Variants in RETREG1 observed in about 807,000 individuals in gnomAD.
RETREG1 encodes the protein reticulophagy regulator 1.
In RETREG1, 44 loss-of-function variants were observed where a neutral mutation model predicts 54.8. The ratio of observed to expected loss-of-function variants is 0.80; its 90% CI spans 0.63 to 1.03. The LOEUF (loss-of-function observed/expected upper bound fraction) is 1.03, where lower values mean the gene tolerates loss of function less well. Ranked by LOEUF, RETREG1 falls within the 50% of genes least tolerant of loss-of-function variation. The probability of loss-of-function intolerance (pLI) is 0.00; values close to 1 mark genes in which losing one functional copy is unlikely to be tolerated. For missense variants in RETREG1, 554 were observed against 605.1 expected (o/e 0.92, Z 0.89); for synonymous variants, 217 against 238.5 (o/e 0.91, Z 0.83).
chr5:16,583,013 G>A (rs1328741026), intron 1 of RETREG1, among the ~76,000 whole-genome samples: 1 of 152,160 alleles, frequency 6.6e-6, no homozygotes, highest in African/African-American at 2.4e-5. Flanking sequence ...GGCTGCTCTG[G>A]GCAGACATCT....
chr5:16,520,443 C>T (rs780911814), intron 3 of RETREG1, among the ~76,000 whole-genome samples: 19 of 152,134 alleles, frequency 1.2e-4, no homozygotes, highest in South Asian at 2.1e-4. Context: ...GATTCTCCTG[C>T]CTCAGCCTCC....
chr5:16,565,259 C>T (rs1178174828), intron 3 of RETREG1, among the ~76,000 whole-genome samples: 1 of 152,128 alleles, frequency 6.6e-6, no homozygotes, highest in Admixed American at 6.5e-5. Context: ...TCTGGCTGGG[C>T]AAGGAGCCCA....
intron 3 of RETREG1, among the ~76,000 whole-genome samples, chr5:16,549,953 G>A (rs1415219536): frequency 6.6e-6 from 1 of 152,152 alleles, no homozygotes; most frequent in Non-Finnish European, 1.5e-5. Context: ...TGAAAGTACT[G>A]CTCGGGCGTT....
chr5:16,576,296 T>TTTC (rs1383043118), intron 1 of RETREG1, among the ~76,000 whole-genome samples: 5 of 61,452 alleles, frequency 8.1e-5, no homozygotes, highest in African/African-American at 2.0e-4. Context: ...TTCTTTTTCT[T>TTTC]TTTTTTTTTT....
chr5:16,499,592 C>T (rs1350900570), intron 3 of RETREG1, among the ~76,000 whole-genome samples: 9 of 152,202 alleles, frequency 5.9e-5, no homozygotes, highest in East Asian at 1.9e-4. Context: ...GATGTCACTT[C>T]GAGTCAGAGT....
chr5:16,616,873 G>T lies in RETREG1; in HGVS notation c.99C>A (p.Ser33=), dbSNP rs1433722662. The T allele has an allele frequency of 1.3e-6, 2 of 1,496,016 alleles. No individual in the cohort carries two copies. The highest frequency in any genetic ancestry group is 1.5e-5 in the African/African-American group (1 of 68,588). 92.7% of individuals were successfully genotyped at this position (1,496,016 alleles called of 1,614,324 possible). A position where few individuals can be genotyped will look rare whatever the true frequency, so the allele number is the denominator to read the frequency against. Residue 33 remains serine, a synonymous_variant, in exon 1 of 9, where the codon TCC becomes TCA. Coordinates refer to ENST00000306320, the MANE Select transcript of RETREG1 (RefSeq NM_001034850.3). ...APPSPPPPQA[S]PAERQQQEEE... is the part of the protein sequence containing the mutation. ...CCTCCTGCTGCTGCCGCTCTGCGGGGGATGCCTGGGGCGGTGGCGGCGACG... is the reference window on the plus strand; with the variant it reads ...CCTCCTGCTGCTGCCGCTCTGCGGGTGATGCCTGGGGCGGTGGCGGCGACG...
intron 3 of RETREG1, among the ~76,000 whole-genome samples, chr5:16,494,946 T>C (rs1579604385): frequency 6.6e-6 from 1 of 152,190 alleles, no homozygotes; most frequent in Admixed American, 6.5e-5. Context: ...CTGGTAGTAA[T>C]ATGGAAAATG....
chr5:16,526,125 T>C (rs75111753), intron 3 of RETREG1, among the ~76,000 whole-genome samples: 2,610 of 152,318 alleles, frequency 0.017, 64 homozygotes, highest in African/African-American at 0.06. Context: ...TTGACATGAA[T>C]TTAACCACCA....
chr5:16,528,797 G>A (rs1248375298), intron 3 of RETREG1, among the ~76,000 whole-genome samples: 4 of 152,086 alleles, frequency 2.6e-5, no homozygotes, highest in Non-Finnish European at 5.9e-5. Context: ...GGCTAGACAG[G>A]AACTATGTTC....
Position 16,528,570 on chromosome 5 carries a change from G to A in RETREG1, c.458+37193C>T, listed in dbSNP as rs569072540. ...CCAAGGAGGAGTGAGACCTGTCCCAGGTGATAGCAGGGGGTTCTGAGACAC... is the reference window on the plus strand; with the variant it reads ...CCAAGGAGGAGTGAGACCTGTCCCAAGTGATAGCAGGGGGTTCTGAGACAC... On this transcript the variant is annotated intron_variant, in intron 3 of 8. Transcript: ENST00000306320. 2.6e-5 allele frequency among the ~76,000 whole-genome samples: 4 copies of A among 152,270 alleles called. No individual in the cohort carries two copies. In the South Asian group the frequency reaches 8.3e-4, roughly 32 times the overall value.
chr5:16,477,149 A>G (rs1034739561), intron 8 of RETREG1, among the ~76,000 whole-genome samples: 8 of 152,138 alleles, frequency 5.3e-5, no homozygotes, highest in African/African-American at 1.9e-4. Context: ...TTTCAAAATA[A>G]AGGCAAATTT....
chr5:16,509,686 T>A (rs1174574605), intron 3 of RETREG1, among the ~76,000 whole-genome samples: 1 of 151,988 alleles, frequency 6.6e-6, no homozygotes, highest in Non-Finnish European at 1.5e-5. Flanking sequence ...ATCTGCTTAT[T>A]AAGAAACAAT....
At position 16,474,667 on chromosome 5, in the gene RETREG1, T is replaced by TC. The variant is rs1473775823; in HGVS notation, c.*73dup. On this transcript the variant is annotated 3_prime_UTR_variant, in exon 9 of 9. Transcript: ENST00000306320. Reference sequence around the variant, plus strand: ...AGCTTACAGTTCAATTTTTTTCTTTTCCTTTTTTTTTTTTTTTTCTTGTTT... The same window carrying TC: ...AGCTTACAGTTCAATTTTTTTCTTTTCCCTTTTTTTTTTTTTTTTCTTGTTT... The TC allele has an allele frequency of 2.9e-6, 4 of 1,385,318 alleles. No individual in the cohort carries two copies. Among genetic ancestry groups the TC allele is most frequent in the Admixed American group, 4.5e-5 (2 of 44,116 alleles). The allele number at this position is 1,385,318 out of a possible 1,614,324, so 85.8% of individuals were successfully genotyped here. A position where few individuals can be genotyped will look rare whatever the true frequency, so the allele number is the denominator to read the frequency against.
At chr5:16,538,642 C>T (rs752363284) in intron 3 of RETREG1, among the ~76,000 whole-genome samples, 35 of 152,182 alleles carry the variant, frequency 2.3e-4, no homozygotes, top group Non-Finnish European at 4.7e-4. Context: ...CACCATGTAC[C>T]TTTCCAGTGG....
At chr5:16,549,834 G>GA (rs1238659490) in intron 3 of RETREG1, among the ~76,000 whole-genome samples, 1 of 150,038 alleles carries the variant, frequency 6.7e-6, no homozygotes. Flanking sequence ...TGTAATAACT[G>GA]GCCCCCCAAA....
chr5:16,474,768 G>A lies in RETREG1; in HGVS notation c.1467C>T (p.Phe489=), dbSNP rs1738450850. 7 of 1,612,592 alleles carry A rather than the reference G, an allele frequency of 4.3e-6. No individual in the cohort carries two copies. The African/African-American group carries it at 9.4e-5, about 22-fold the overall frequency. Residue 489 remains phenylalanine, a synonymous_variant, in exon 9 of 9, where the codon TTC becomes TTT. Coordinates refer to ENST00000306320, the MANE Select transcript of RETREG1 (RefSeq NM_001034850.3). Reference sequence around the variant, plus strand: ...AATGGCCTCCCAGCAGATTTGAAAGGAAACCTGAAGACTTCTTATTTTGCT... The same window carrying A: ...AATGGCCTCCCAGCAGATTTGAAAGAAAACCTGAAGACTTCTTATTTTGCT... ...EAQQNKKSSG[F]LSNLLGGH
chr5:16,614,912 T>G (rs1054234287), intron 1 of RETREG1, among the ~76,000 whole-genome samples: 1 of 152,082 alleles, frequency 6.6e-6, no homozygotes. Context: ...ATATGGTGTA[T>G]TTGCTGAAAT....
At chr5:16,586,203 G>T (rs1256062051) in intron 1 of RETREG1, among the ~76,000 whole-genome samples, 3 of 152,204 alleles carry the variant, frequency 2.0e-5, no homozygotes, top group African/African-American at 7.2e-5. Flanking sequence ...AGGTCAGGAA[G>T]CCATGGTAAT....
At chr5:16,476,194 G>A (rs1210320194) in intron 8 of RETREG1, among the ~76,000 whole-genome samples, 2 of 152,134 alleles carry the variant, frequency 1.3e-5, no homozygotes, top group East Asian at 1.9e-4. Context: ...ATAAAGTTAG[G>A]TAGTGACAAA....
Sources: gnomAD v4.1 joint callset for allele counts (sites outside exome capture counted in the v4.1 genomes callset) on GRCh38, gnomAD v4.1.1 for gene constraint, MANE v1.5 for transcripts, NCBI Gene and HGNC (gene_info 2026-07-23, HGNC 2026-07-21) for gene names.